GALNT13: variants seen among roughly 807,000 people sequenced by gnomAD.
GALNT13 encodes UDP-GalNAc:polypeptide N-acetylgalactosaminyltransferase 13.
In GALNT13, 28 loss-of-function variants were observed where a neutral mutation model predicts 64.2. The ratio of observed to expected loss-of-function variants is 0.44; its 90% confidence interval spans 0.32 to 0.60. The LOEUF is 0.60. Ranked by LOEUF, GALNT13 falls within the 20% of genes least tolerant of loss-of-function variation. The pLI, the probability that GALNT13 is intolerant of heterozygous loss-of-function variation, is 0.05. For missense variants in GALNT13, 577 were observed against 669.8 expected, an observed-to-expected ratio of 0.86 and a Z score of 1.53; for synonymous variants, 214 against 224.6, an observed-to-expected ratio of 0.95 and a Z score of 0.42.
chr2:154,445,024 C>T (rs1334798382), intron 12 of GALNT13, among the ~76,000 whole-genome samples: 1 of 151,852 alleles, frequency 6.6e-6, no homozygotes, highest in Non-Finnish European at 1.5e-5. Flanking sequence ...GTTATCTTTT[C>T]AAACAGTATA....
chr2:154,335,819 A>G (rs1203959875), intron 9 of GALNT13, among the ~76,000 whole-genome samples: 7 of 152,086 alleles, frequency 4.6e-5, no homozygotes, highest in Non-Finnish European at 7.4e-5. Context: ...CATTCTTAAC[A>G]TGTAAATTAC....
chr2:153,748,943 A>G, the GALNT13 span, among the ~76,000 whole-genome samples: 35,615 of 152,000 alleles, frequency 0.23, 5,446 homozygotes, highest in Middle Eastern at 0.41. Context: ...GTTTTCTTGT[A>G]GTAGTTTCAT....
chr2:153,809,980 T>C, the GALNT13 span, among the ~76,000 whole-genome samples: 1 of 152,176 alleles, frequency 6.6e-6, no homozygotes, highest in East Asian at 1.9e-4. Context: ...TGTTTTGTTT[T>C]GAGACAGAGT....
chr2:153,975,637 T>C (rs1409768210), intron 3 of GALNT13, among the ~76,000 whole-genome samples: 3 of 152,156 alleles, frequency 2.0e-5, no homozygotes, highest in Non-Finnish European at 4.4e-5. Flanking sequence ...AAAATAACAA[T>C]TCTTCTTAAT....
chr2:153,404,359 A>G, the GALNT13 span, among the ~76,000 whole-genome samples: 1 of 152,310 alleles, frequency 6.6e-6, no homozygotes, highest in East Asian at 1.9e-4. Context: ...CTTAATAACA[A>G]AATGAGCCAT....
the GALNT13 span, among the ~76,000 whole-genome samples, chr2:153,717,568 A>C: frequency 6.6e-6 from 1 of 152,184 alleles, no homozygotes; most frequent in African/African-American, 2.4e-5. Context: ...TGTCAACGTT[A>C]TTGCTTATAT....
intron 9 of GALNT13, among the ~76,000 whole-genome samples, chr2:154,323,912 C>T (rs1694749247): frequency 1.3e-5 from 2 of 151,970 alleles, no homozygotes; most frequent in Non-Finnish European, 1.5e-5. Flanking sequence ...TTGCAGCATC[C>T]CAGCAAGTAT....
chr2:153,439,194 A>C, the GALNT13 span, among the ~76,000 whole-genome samples: 1 of 152,098 alleles, frequency 6.6e-6, no homozygotes, highest in South Asian at 2.1e-4. Flanking sequence ...TTGTCTCAGA[A>C]GAATACCTGG....
the GALNT13 span, among the ~76,000 whole-genome samples, chr2:153,328,115 G>C: frequency 6.6e-6 from 1 of 152,092 alleles, no homozygotes; most frequent in African/African-American, 2.4e-5. Context: ...CTGTTTGCCT[G>C]GGTATCACCA....
the GALNT13 span, among the ~76,000 whole-genome samples, chr2:153,389,519 A>C: frequency 6.6e-6 from 1 of 152,062 alleles, no homozygotes; most frequent in Non-Finnish European, 1.5e-5. Context: ...CACTGATCAC[A>C]TGGGACCCCA....
intron 9 of GALNT13, among the ~76,000 whole-genome samples, chr2:154,337,518 A>G (rs1574110688): frequency 2.0e-5 from 3 of 152,180 alleles, no homozygotes; most frequent in Admixed American, 2.0e-4. Context: ...AATTTAAAAT[A>G]AAATATTTTA....
At chr2:154,152,498 T>G in intron 4 of GALNT13, among the ~76,000 whole-genome samples, 1 of 152,186 alleles carries the variant, frequency 6.6e-6, no homozygotes, top group East Asian at 1.9e-4. Context: ...ATTGGGGAAG[T>G]TCTCCTGGAT....
At chr2:154,123,839 C>G (rs929314527) in intron 3 of GALNT13, among the ~76,000 whole-genome samples, 12 of 151,974 alleles carry the variant, frequency 7.9e-5, no homozygotes, top group African/African-American at 2.7e-4. Context: ...TGACAAAAGG[C>G]ATATATCAGC....
At chr2:153,535,240 A>G in the GALNT13 span, among the ~76,000 whole-genome samples, 6 of 152,306 alleles carry the variant, frequency 3.9e-5, no homozygotes, top group African/African-American at 1.4e-4. Context: ...ACCAAATGGA[A>G]TAACAGAAGG....
upstream of GALNT13, among the ~76,000 whole-genome samples, chr2:153,867,035 A>G (rs975344687): frequency 6.6e-6 from 1 of 152,228 alleles, no homozygotes; most frequent in East Asian, 1.9e-4. Flanking sequence ...TTGAATATGA[A>G]GAATGCCCGT....
At chr2:153,939,892 A>G (rs1691213484) in intron 2 of GALNT13, among the ~76,000 whole-genome samples, 1 of 152,166 alleles carries the variant, frequency 6.6e-6, no homozygotes, top group South Asian at 2.1e-4. Flanking sequence ...TTAAACATTT[A>G]AGGAACTTGA....
the GALNT13 span, among the ~76,000 whole-genome samples, chr2:153,845,635 G>A: frequency 6.6e-6 from 1 of 152,104 alleles, no homozygotes; most frequent in South Asian, 2.1e-4. Flanking sequence ...CATGATGAAA[G>A]ATAAAACTTT....
intron 8 of GALNT13, among the ~76,000 whole-genome samples, chr2:154,275,081 TATCTGGC>T (rs1691568378): frequency 6.6e-6 from 1 of 152,004 alleles, no homozygotes; most frequent in African/African-American, 2.4e-5. Flanking sequence ...TAATTTAGGG[TATCTGGC>T]AGAAGAAATT....
At chr2:153,354,428 A>G in the GALNT13 span, 3 of 152,242 alleles carry the variant, frequency 2.0e-5, no homozygotes, top group Admixed American at 6.5e-5. Flanking sequence ...AATTCATAGT[A>G]AAACATTTTT....
Sources: allele counts gnomAD v4.1 joint callset (sites outside exome capture counted in the v4.1 genomes callset), GRCh38; gene constraint gnomAD v4.1.1; transcripts MANE v1.5; gene names NCBI Gene and HGNC (gene_info 2026-07-23, HGNC 2026-07-21).